The following SEPTIN6 variants were observed in gnomAD, a reference collection of about 807,000 sequenced individuals.
The protein encoded by SEPTIN6 is septin-6.
In SEPTIN6, 8 loss-of-function variants were observed where a neutral mutation model predicts 33.6. The observed-to-expected ratio is 0.24, with a 90% CI of 0.14 to 0.43. SEPTIN6 has a LOEUF of 0.43. Ranked by LOEUF, SEPTIN6 falls within the 20% of genes least tolerant of loss-of-function variation. The probability of loss-of-function intolerance (pLI) is 1.00; values close to 1 mark genes in which losing one functional copy is unlikely to be tolerated. For synonymous variants in SEPTIN6, 131 were observed against 140.0 expected (o/e 0.94, Z 0.45); for missense variants, 250 against 340.8 (o/e 0.73, Z 2.10).
chrX:119,643,643 G>A (rs2054194431), intron 5 of SEPTIN6, among the ~76,000 whole-genome samples: 3 of 111,234 alleles, frequency 2.7e-5, no homozygotes, highest in African/African-American at 9.8e-5. Flanking sequence ...ATTTCCCAGC[G>A]CTCTCCTTTG....
intron 2 of SEPTIN6, among the ~76,000 whole-genome samples, chrX:119,669,316 A>G (rs775924835): frequency 1.9e-4 from 21 of 113,099 alleles, no homozygotes; most frequent in South Asian, 3.6e-4. Flanking sequence ...GGAGCTGCAG[A>G]TACAGCAATG....
chrX:119,633,373 T>C lies in SEPTIN6; in HGVS notation c.1076A>G (p.Glu359Gly). 1 of 1,208,917 alleles carries C rather than the reference T, an allele frequency of 8.3e-7. No individual in the cohort carries two copies. Among genetic ancestry groups the C allele is most frequent in the Non-Finnish European group, 1.1e-6 (1 of 894,320 alleles). Residue 359 changes from glutamate to glycine, a missense_variant, in exon 8 of 11, where the codon GAG becomes GGG. Transcript: ENST00000394610. Reference protein sequence around the residue: ...RVKEKEAELKEAEKELHEKFD... With the variant: ...RVKEKEAELKGAEKELHEKFD... ...GCTCACATTTACCTCTTTCTCTGCC[T>C]CTTTGAGCTCCGCTTCTTTCTCTTT...
At chrX:119,647,250 C>T (rs1231126359) in intron 5 of SEPTIN6, among the ~76,000 whole-genome samples, 1 of 108,456 alleles carries the variant, frequency 9.2e-6, no homozygotes, top group Non-Finnish European at 1.9e-5. Flanking sequence ...AAACAAAGCA[C>T]AGTAGGATGC....
intron 3 of SEPTIN6, among the ~76,000 whole-genome samples, chrX:119,655,915 T>C (rs1199220833): frequency 8.9e-6 from 1 of 112,462 alleles, no homozygotes; most frequent in Non-Finnish European, 1.9e-5. Flanking sequence ...TGTGATTTCA[T>C]AACCAATAGA....
intron 3 of SEPTIN6, among the ~76,000 whole-genome samples, chrX:119,660,015 G>A (rs1257665282): frequency 8.9e-6 from 1 of 111,953 alleles, no homozygotes; most frequent in Non-Finnish European, 1.9e-5. Flanking sequence ...TGGGATTACA[G>A]GCACATACCA....
intron 1 of SEPTIN6, among the ~76,000 whole-genome samples, chrX:119,678,244 G>A (rs1312966061): frequency 9.1e-6 from 1 of 110,165 alleles, no homozygotes; most frequent in Non-Finnish European, 1.9e-5. Flanking sequence ...GTCTCGGCCG[G>A]GCGCGGTGGC....
chrX:119,619,772 C>T lies in SEPTIN6; in HGVS notation c.*321G>A. On this transcript the variant is annotated 3_prime_UTR_variant, in exon 11 of 11. Transcript: ENST00000394610. ...TAGCAGATGGGCCCCCTGACCATGT[C>T]ACACCTCTGGCAAAGATGTGGGGGA... is the stretch of plus-strand genomic sequence containing the variant. 1 of 1,024,304 alleles carries T rather than the reference C, an allele frequency of 9.8e-7. No individual in the cohort carries two copies. The highest frequency in any genetic ancestry group is 3.8e-5 in the East Asian group (1 of 26,218). The allele number at this position is 1,024,304 out of a possible 1,213,427, so 84.4% of individuals were successfully genotyped here.
intron 5 of SEPTIN6, 148 bp downstream of exon 5, chrX:119,649,789 T>C: frequency 3.6e-6 from 2 of 557,253 alleles, no homozygotes; most frequent in Non-Finnish European, 5.7e-6. Flanking sequence ...GAGGATCCCT[T>C]GAGCCCAGGA....
intron 2 of SEPTIN6, among the ~76,000 whole-genome samples, chrX:119,664,726 A>C (rs766605624): frequency 4.7e-5 from 5 of 106,973 alleles, no homozygotes; most frequent in African/African-American, 1.7e-4. Context: ...CTGTAATCCC[A>C]GCTACGGAAA....
chrX:119,659,826 T>C (rs5957205), intron 3 of SEPTIN6, among the ~76,000 whole-genome samples: 13,128 of 111,507 alleles, frequency 0.12, 1,157 homozygotes, highest in African/African-American at 0.31. Context: ...CCTCTCCAGC[T>C]TGTCCTTCTC....
At chrX:119,636,248 C>T (rs1272834709) in intron 7 of SEPTIN6, among the ~76,000 whole-genome samples, 1 of 111,721 alleles carries the variant, frequency 9.0e-6, no homozygotes. Flanking sequence ...TGGTAGACAT[C>T]TCCCTCACTT....
chrX:119,637,618 TATCC>T (rs1195685525), intron 6 of SEPTIN6, among the ~76,000 whole-genome samples: 1 of 85,815 alleles, frequency 1.2e-5, no homozygotes, highest in South Asian at 5.5e-4. Context: ...TCCATCCATC[TATCC>T]ATCCATCCAT....
downstream of SEPTIN6, chrX:119,616,466 A>T: frequency 2.1e-6 from 1 of 476,986 alleles, no homozygotes; most frequent in South Asian, 2.5e-5. Context: ...CATTTCGTCC[A>T]TTTTCCAGCT....
chrX:119,687,495 C>T (rs967590718), intron 1 of SEPTIN6, among the ~76,000 whole-genome samples: 2 of 110,964 alleles, frequency 1.8e-5, no homozygotes, highest in African/African-American at 3.3e-5. Flanking sequence ...ATGATCTGCC[C>T]GCCTCGGCCT....
chrX:119,625,414 A>T, intron 9 of SEPTIN6, 35 bp from the exon 10 acceptor site: 1 of 1,165,562 alleles, frequency 8.6e-7, no homozygotes, highest in Non-Finnish European at 1.2e-6. Context: ...AGATGGAGTG[A>T]GCATGAGGGG....
At chrX:119,666,605 G>A (rs1049654937) in intron 2 of SEPTIN6, among the ~76,000 whole-genome samples, 3 of 111,224 alleles carry the variant, frequency 2.7e-5, no homozygotes, top group Non-Finnish European at 5.7e-5. Context: ...CTGGCTACCC[G>A]GCCCCCCAGC....
chrX:119,669,895 A>C (rs2054711849), intron 2 of SEPTIN6, among the ~76,000 whole-genome samples: 1 of 111,943 alleles, frequency 8.9e-6, no homozygotes, highest in Admixed American at 9.5e-5. Flanking sequence ...CATGTTCAAC[A>C]GAGCCCAATT....
chrX:119,651,138 T>C (rs1484142623), intron 4 of SEPTIN6, among the ~76,000 whole-genome samples: 1 of 111,212 alleles, frequency 9.0e-6, no homozygotes, highest in Non-Finnish European at 1.9e-5. Flanking sequence ...CCCCGGACTC[T>C]AAAAGGGGAG....
chrX:119,651,009 GAA>G (rs767085987), intron 4 of SEPTIN6, among the ~76,000 whole-genome samples: 2 of 109,974 alleles, frequency 1.8e-5, no homozygotes, highest in Non-Finnish European at 3.8e-5. Context: ...AAAGAAACTT[GAA>G]ATGCACATGT....
Sources: allele counts gnomAD v4.1 joint callset (sites outside exome capture counted in the v4.1 genomes callset), GRCh38; gene constraint gnomAD v4.1.1; transcripts MANE v1.5; gene names NCBI Gene and HGNC (gene_info 2026-07-23, HGNC 2026-07-21).